The following COCH variants were observed in gnomAD, a reference collection of about 807,000 sequenced individuals.
COCH encodes cochlin.
COCH carries 40 observed loss-of-function variants against 54.8 expected under a neutral mutation model. The observed-to-expected ratio is 0.73, with a 90% confidence interval of 0.57 to 0.95. COCH has a LOEUF of 0.95. COCH is among the 40% of genes least tolerant of loss of function. The pLI, the probability that COCH is intolerant of heterozygous loss-of-function variation, is 0.00. For synonymous variants in COCH, 256 were observed against 237.9 expected, an observed-to-expected ratio of 1.08 and a Z score of -0.70; for missense variants, 605 against 675.0, an observed-to-expected ratio of 0.90 and a Z score of 1.15.
At position 30,886,039 on chromosome 14, in the gene COCH, A is replaced by T. The variant is rs28362778; in HGVS notation, c.1204A>T (p.Ile402Phe). ...NIAKTFEISD[I>F]GAKIAAVQFT... is the part of the protein sequence containing the mutation. ...AGCCAAGACTTTTGAAATCTCGGAC[A>T]TTGGTGCCAAGATAGCTGCTGTACA... The change falls in exon 11 of 12, where the codon ATT (isoleucine) becomes TTT (phenylalanine). Residue 402 changes from isoleucine to phenylalanine, a missense_variant. Coordinates refer to ENST00000396618, the MANE Select transcript of COCH (RefSeq NM_004086.3). 6.2e-7 allele frequency: 1 copy of T among 1,614,112 alleles called. No individual in the cohort carries two copies. Among genetic ancestry groups the T allele is most frequent in the African/African-American group, 1.3e-5 (1 of 74,928 alleles).
intron 11 of COCH, chr14:30,889,316 T>G: frequency 2.9e-6 from 1 of 349,636 alleles, no homozygotes; most frequent in Non-Finnish European, 5.4e-6. Flanking sequence ...ATTCCTAGTT[T>G]ATAGGTGTGT....
At chr14:30,880,332 A>AT (rs1219215677) in intron 6 of COCH, 120 bp from the exon 7 acceptor site, 56 of 1,457,260 alleles carry the variant, frequency 3.8e-5, no homozygotes, top group Non-Finnish European at 5.1e-5. Context: ...GAGGAAATTA[A>AT]TTTTTTTAAA....
At chr14:30,886,382 A>C in intron 11 of COCH, 70 bp downstream of exon 11, 1 of 1,531,998 alleles carries the variant, frequency 6.5e-7, no homozygotes, top group Non-Finnish European at 9.0e-7. Flanking sequence ...AGTAAATAAA[A>C]ATTTAAGCAT....
intron 3 of COCH, chr14:30,875,776 C>T (rs1296355862): frequency 6.5e-6 from 1 of 154,488 alleles, no homozygotes; most frequent in Non-Finnish European, 1.4e-5. Context: ...GGTTAAGTAT[C>T]CCTCATGGCT....
downstream of COCH, among the ~76,000 whole-genome samples, chr14:30,893,502 T>C (rs1896046682): frequency 6.6e-6 from 1 of 152,232 alleles, no homozygotes; most frequent in African/African-American, 2.4e-5. Flanking sequence ...CAATGTAGTT[T>C]ATTCCTTGCT....
At chr14:30,893,083 A>G (rs988214278), downstream of COCH, among the ~76,000 whole-genome samples, 13 of 151,716 alleles carry the variant, frequency 8.6e-5, no homozygotes, top group Admixed American at 2.6e-4. Context: ...TTTAACTAAC[A>G]TGTTGGTGCA....
chr14:30,890,487 T>C lies in COCH; in HGVS notation c.*696T>C, dbSNP rs1895945600. 1 of 935,478 alleles carries C rather than the reference T, an allele frequency of 1.1e-6. No homozygotes were observed. The highest frequency in any genetic ancestry group is 1.3e-6 in the Non-Finnish European group (1 of 784,698). The allele number at this position is 935,478 out of a possible 1,614,324, so 57.9% of individuals were successfully genotyped here. The stretch of plus-strand genomic sequence containing the variant: ...CTTATATTCTAAGTCACCTAAGTAC[T>C]TAAAAGTTAAGTTGGTAAAGTATTT... On this transcript the variant is annotated 3_prime_UTR_variant, in exon 12 of 12. Transcript: ENST00000396618.
Position 30,890,079 on chromosome 14 carries a change from C to A in COCH, c.*288C>A. On this transcript the variant is annotated 3_prime_UTR_variant, in exon 12 of 12. Coordinates refer to ENST00000396618, the MANE Select transcript of COCH (RefSeq NM_004086.3). Reference sequence around the variant, plus strand: ...ACCTTAAGAGTTCTAACCATGCCTACTAAATGTACAGATATGCAAATTCCA... The same window carrying A: ...ACCTTAAGAGTTCTAACCATGCCTAATAAATGTACAGATATGCAAATTCCA... 9.2e-7 allele frequency: 1 copy of A among 1,087,394 alleles called. No homozygotes were observed. Among genetic ancestry groups the A allele is most frequent in the East Asian group, 6.1e-5 (1 of 16,476 alleles). The allele number at this position is 1,087,394 out of a possible 1,614,324, so 67.4% of individuals were successfully genotyped here. A position where few individuals can be genotyped will look rare whatever the true frequency, so the allele number is the denominator to read the frequency against.
chr14:30,892,946 C>G (rs897509053), downstream of COCH, among the ~76,000 whole-genome samples: 3 of 152,160 alleles, frequency 2.0e-5, no homozygotes, highest in African/African-American at 7.2e-5. Flanking sequence ...CAGCAGCAAG[C>G]ATTCAAATTG....
chr14:30,890,149 G>A lies in COCH; in HGVS notation c.*358G>A, dbSNP rs774390888. On this transcript the variant is annotated 3_prime_UTR_variant, in exon 12 of 12. Coordinates refer to ENST00000396618, the MANE Select transcript of COCH (RefSeq NM_004086.3). ...GATACTTAGACCAAAAGCAACATTC[G>A]TTCTCTAACCATTCTGTATTGATTA... 12 of 1,009,986 alleles carry A rather than the reference G, an allele frequency of 1.2e-5. No homozygotes were observed. In the Admixed American group the frequency reaches 1.6e-4, roughly 13 times the overall value. The allele number at this position is 1,009,986 out of a possible 1,614,324, so 62.6% of individuals were successfully genotyped here. A position where few individuals can be genotyped will look rare whatever the true frequency, so the allele number is the denominator to read the frequency against.
downstream of COCH, among the ~76,000 whole-genome samples, chr14:30,892,244 A>G (rs988158089): frequency 6.6e-6 from 1 of 152,210 alleles, no homozygotes; most frequent in Non-Finnish European, 1.5e-5. Flanking sequence ...AAGGAGATAG[A>G]ACAAAATAAA....
At chr14:30,879,302 T>C in intron 5 of COCH, 121 bp from the exon 6 acceptor site, 1 of 994,224 alleles carries the variant, frequency 1.0e-6, no homozygotes, top group Non-Finnish European at 1.5e-6. Flanking sequence ...CAGCAGGATG[T>C]TTGTAACTAC....
chr14:30,883,507 T>C (rs559636174), intron 8 of COCH, among the ~76,000 whole-genome samples: 4 of 152,346 alleles, frequency 2.6e-5, no homozygotes, highest in African/African-American at 9.6e-5. Flanking sequence ...AGTCATAATC[T>C]GGATAGTTGA....
At chr14:30,883,306 A>G (rs1895677514) in intron 8 of COCH, among the ~76,000 whole-genome samples, 1 of 152,146 alleles carries the variant, frequency 6.6e-6, no homozygotes, top group Non-Finnish European at 1.5e-5. Context: ...TTTGTCTTGT[A>G]CTTTTTTCTG....
In COCH at chr14:30,878,825, A is replaced by G; in HGVS notation, c.254A>G (p.Asn85Ser). Residue 85 changes from asparagine to serine, a missense_variant, in exon 5 of 12, where the codon AAC (asparagine) becomes AGC (serine). Coordinates refer to ENST00000396618, the MANE Select transcript of COCH (RefSeq NM_004086.3). ...TTGTGTTACAGGGGAGTAATCAGCAACTCAGGGGGACCTGTACGAGTCTAT... is the reference window on the plus strand; with the variant it reads ...TTGTGTTACAGGGGAGTAATCAGCAGCTCAGGGGGACCTGTACGAGTCTAT... ...GAAVHRGVISNSGGPVRVYSL... is the reference protein window; with the variant it reads ...GAAVHRGVISSSGGPVRVYSL... 6.2e-7 allele frequency: 1 copy of G among 1,614,138 alleles called. No individual in the cohort carries two copies. Among genetic ancestry groups the G allele is most frequent in the Non-Finnish European group, 8.5e-7 (1 of 1,180,030 alleles).
intron 1 of COCH, 45 bp downstream of exon 1, chr14:30,874,636 C>A (rs1479608612): frequency 1.8e-6 from 1 of 543,164 alleles, no homozygotes; most frequent in Non-Finnish European, 3.3e-6. Flanking sequence ...GGATCCCTGA[C>A]GCCTCTGTCC....
chr14:30,889,177 A>G (rs1257783569), intron 11 of COCH: 2 of 165,362 alleles, frequency 1.2e-5, no homozygotes, highest in African/African-American at 4.8e-5. Flanking sequence ...TCCTTGCTTT[A>G]ATGGATTGTG....
intron 9 of COCH, 107 bp from the exon 10 acceptor site, chr14:30,885,287 G>T: frequency 9.4e-7 from 1 of 1,060,406 alleles, no homozygotes; most frequent in Non-Finnish European, 1.4e-6. Flanking sequence ...CCCACTGCCA[G>T]TTCTATATAT....
At chr14:30,882,217 C>T (rs1486791234) in intron 8 of COCH, among the ~76,000 whole-genome samples, 2 of 135,074 alleles carry the variant, frequency 1.5e-5, no homozygotes, top group Admixed American at 7.9e-5. Context: ...ACAACCTCTG[C>T]CTCCTGGATT....
Sources: allele counts gnomAD v4.1 joint callset (sites outside exome capture counted in the v4.1 genomes callset), GRCh38; gene constraint gnomAD v4.1.1; transcripts MANE v1.5; gene names NCBI Gene and HGNC (gene_info 2026-07-23, HGNC 2026-07-21).